Variants in DYNC2H1 observed in about 807,000 individuals in gnomAD.
DYNC2H1 encodes dynein cytoplasmic 2 heavy chain 1.
A neutral mutation model predicts 570.0 loss-of-function variants in DYNC2H1; 410 were observed. The ratio of observed to expected loss-of-function variants is 0.72; its 90% CI spans 0.66 to 0.78. DYNC2H1 has a LOEUF of 0.78. DYNC2H1 is among the 30% of genes least tolerant of loss of function. DYNC2H1 has a pLI of 0.00. For missense variants in DYNC2H1, 4,865 were observed against 5,046.4 expected (o/e 0.96, Z 1.09); for synonymous variants, 1,688 against 1,677.6 (o/e 1.01, Z -0.15).
chr11:103,109,757 C>G lies in DYNC2H1; in HGVS notation c.183C>G (p.Ser61=), dbSNP rs1591248391. ...TGCAGCGATCCGACGCAGGAATCTC[C>G]TTTTCCAACACGGTACGGTTCCTTG... ...LRVQRSDAGI[S]FSNTIEFGDT... is the part of the protein sequence containing the mutation. Residue 61 remains serine (S), a synonymous_variant, in exon 1 of 89, where the codon TCC becomes TCG. Coordinates refer to ENST00000375735, the MANE Select transcript of DYNC2H1 (RefSeq NM_001377.3). 3.1e-6 allele frequency: 5 copies of G among 1,613,520 alleles called. No homozygotes were observed. Among genetic ancestry groups the G allele is most frequent in the East Asian group, 4.5e-5 (2 of 44,856 alleles).
intron 84 of DYNC2H1, among the ~76,000 whole-genome samples, chr11:103,401,015 T>G (rs1438487151): frequency 6.6e-6 from 1 of 152,168 alleles, no homozygotes; most frequent in African/African-American, 2.4e-5. Context: ...ATATTGTCAG[T>G]CATGAAAGAT....
intron 84 of DYNC2H1, among the ~76,000 whole-genome samples, chr11:103,427,652 TTGTATCTTCA>T (rs1943720882): frequency 6.6e-6 from 1 of 152,030 alleles, no homozygotes; most frequent in Non-Finnish European, 1.5e-5. Context: ...CATCTTTTCC[TTGTATCTTCA>T]CACTGTGGAG....
chr11:103,310,891 C>T (rs575394779), intron 78 of DYNC2H1, among the ~76,000 whole-genome samples: 56 of 151,146 alleles, frequency 3.7e-4, no homozygotes, highest in African/African-American at 1.3e-3. Flanking sequence ...TTAGTAGAGG[C>T]GGGTTTCACC....
At chr11:103,373,506 C>T (rs1415717406) in intron 83 of DYNC2H1, among the ~76,000 whole-genome samples, 1 of 152,094 alleles carries the variant, frequency 6.6e-6, no homozygotes, top group Non-Finnish European at 1.5e-5. Flanking sequence ...TTTACAATTT[C>T]CCAAATTTTT....
At chr11:103,438,712 TTCAG>T (rs1454890611) in intron 85 of DYNC2H1, among the ~76,000 whole-genome samples, 2 of 152,164 alleles carry the variant, frequency 1.3e-5, no homozygotes, top group Admixed American at 1.3e-4. Flanking sequence ...CAGTCATTCA[TTCAG>T]TCAAAAATAT....
rs141725809 is a variant in DYNC2H1, at chr11:103,323,064, G to A, written c.11935-822G>A. ...AGGGTCAGCTGCCAAGGATAAGAAC[G>A]GATGAGGGGAAGTCAGAGGCCAAGT... On this transcript the variant is annotated intron_variant, in intron 81 of 88. Coordinates refer to ENST00000375735, the MANE Select transcript of DYNC2H1 (RefSeq NM_001377.3). Among the ~76,000 whole-genome samples the A allele has an allele frequency of 2.6e-3, 391 of 152,284 alleles. 1 individual carries two copies. Among genetic ancestry groups the A allele is most frequent in the Non-Finnish European group, 4.1e-3 (281 of 68,020 alleles).
chr11:103,274,483 G>A (rs748401603), intron 70 of DYNC2H1, among the ~76,000 whole-genome samples: 1 of 150,914 alleles, frequency 6.6e-6, no homozygotes, highest in Non-Finnish European at 1.5e-5. Context: ...TATCTTTATC[G>A]ATAATTATGT....
rs1237420008 is a variant in DYNC2H1 at position 103,249,344 on chromosome 11, CT to C, written c.10043-3934del. 6.6e-6 allele frequency among the ~76,000 whole-genome samples: 1 copy of C among 151,924 alleles called. No homozygotes were observed. The highest frequency in any genetic ancestry group is 2.4e-5 in the African/African-American group (1 of 41,418). On this transcript the variant is annotated intron_variant, in intron 65 of 88. Transcript: ENST00000375735. The surrounding 1 kb of genome is among the most constrained non-coding windows in gnomAD (Gnocchi z 4.6). ...ACTAGTTCTACTCACCAAAGAAAAA[CT>C]TTTTTTATTTTAACTTTTTATTTAA... is the stretch of plus-strand genomic sequence containing the variant.
intron 83 of DYNC2H1, among the ~76,000 whole-genome samples, chr11:103,377,661 A>C (rs1941448677): frequency 6.6e-6 from 1 of 152,172 alleles, no homozygotes; most frequent in Non-Finnish European, 1.5e-5. Context: ...GCAAAATACA[A>C]ATAATTTTTT....
At chr11:103,310,922 G>A (rs896036350) in intron 78 of DYNC2H1, among the ~76,000 whole-genome samples, 5 of 151,152 alleles carry the variant, frequency 3.3e-5, no homozygotes, top group East Asian at 1.9e-4. Context: ...GGCTGGTCTC[G>A]AACTCCTGAC....
intron 47 of DYNC2H1, among the ~76,000 whole-genome samples, chr11:103,197,075 A>G (rs566357156): frequency 6.6e-6 from 1 of 152,104 alleles, no homozygotes; most frequent in African/African-American, 2.4e-5. Flanking sequence ...GAACATTGCT[A>G]TAGGTAGATT....
intron 20 of DYNC2H1, among the ~76,000 whole-genome samples, chr11:103,149,971 T>C (rs1184086007): frequency 6.6e-6 from 1 of 152,150 alleles, no homozygotes; most frequent in Non-Finnish European, 1.5e-5. Flanking sequence ...TGGGGACAGA[T>C]CATTCCAAAA....
chr11:103,168,449 C>T (rs1346167627), intron 31 of DYNC2H1, among the ~76,000 whole-genome samples: 1 of 152,188 alleles, frequency 6.6e-6, no homozygotes, highest in Non-Finnish European at 1.5e-5. Flanking sequence ...TGTTGTCCAA[C>T]AGGTTTTTAT....
chr11:103,477,080 A>G (rs1321161171), intron 88 of DYNC2H1, among the ~76,000 whole-genome samples: 1 of 152,048 alleles, frequency 6.6e-6, no homozygotes, highest in African/African-American at 2.4e-5. Flanking sequence ...GTCTTTCTAT[A>G]ATAGTGAAAC....
At position 103,145,622 on chromosome 11, in the gene DYNC2H1, A is replaced by G. The variant is rs1860205419; in HGVS notation, c.2703-2150A>G. On this transcript the variant is annotated intron_variant, in intron 18 of 88. Transcript: ENST00000375735. The surrounding 1 kb of genome is among the most constrained non-coding windows in gnomAD (Gnocchi z 4.2). ...TTTTTCATTTTGTCATTTCTTGCTAACAAATTAACATGTATTCATCTAAGT... is the reference window on the plus strand; with the variant it reads ...TTTTTCATTTTGTCATTTCTTGCTAGCAAATTAACATGTATTCATCTAAGT... Among the ~76,000 whole-genome samples the G allele has an allele frequency of 6.6e-6, 1 of 152,216 alleles. No individual in the cohort carries two copies. Among genetic ancestry groups the G allele is most frequent in the Admixed American group, 6.5e-5 (1 of 15,278 alleles).
chr11:103,165,349 G>C (rs1861260410), intron 30 of DYNC2H1, among the ~76,000 whole-genome samples: 1 of 152,074 alleles, frequency 6.6e-6, no homozygotes, highest in African/African-American at 2.4e-5. Flanking sequence ...GGCTGGTCTT[G>C]AACTCCTGGC....
chr11:103,432,356 TCTC>T (rs1362734252), intron 84 of DYNC2H1, among the ~76,000 whole-genome samples: 15 of 152,190 alleles, frequency 9.9e-5, no homozygotes, highest in Non-Finnish European at 1.5e-5. Flanking sequence ...TTCTGCAGCT[TCTC>T]CTGTAGTTGT....
intron 80 of DYNC2H1, among the ~76,000 whole-genome samples, chr11:103,316,888 A>G (rs1937877729): frequency 6.6e-6 from 1 of 152,112 alleles, no homozygotes; most frequent in African/African-American, 2.4e-5. Context: ...GCACTAACTG[A>G]ATTTTTCAGA....
chr11:103,303,619 G>A (rs993463310), intron 76 of DYNC2H1, among the ~76,000 whole-genome samples: 1 of 151,974 alleles, frequency 6.6e-6, no homozygotes, highest in Non-Finnish European at 1.5e-5. Flanking sequence ...ATGGAGGAAC[G>A]GGCCATAAGG....
Sources: allele counts gnomAD v4.1 joint callset (sites outside exome capture counted in the v4.1 genomes callset), GRCh38; gene constraint gnomAD v4.1.1; non-coding constraint Gnocchi (gnomAD v3.1); transcripts MANE v1.5; gene names NCBI Gene and HGNC (gene_info 2026-07-23, HGNC 2026-07-21).